SYNE2: variants seen among roughly 807,000 people sequenced by gnomAD.
The protein encoded by SYNE2 is spectrin repeat containing nuclear envelope protein 2.
A neutral mutation model predicts 856.3 loss-of-function variants in SYNE2; 431 were observed. The observed-to-expected ratio is 0.50, with a 90% CI of 0.47 to 0.55. SYNE2 has a LOEUF of 0.55. Ranked by LOEUF, SYNE2 falls within the 20% of genes least tolerant of loss-of-function variation. The pLI, the probability that SYNE2 is intolerant of heterozygous loss-of-function variation, is 0.00. For synonymous variants in SYNE2, 2,923 were observed against 2,872.3 expected (o/e 1.02, Z -0.56); for missense variants, 8,129 against 8,023.2 (o/e 1.01, Z -0.50).
chr14:63,800,586 A>G (rs1274570829), intron 1 of SYNE2, among the ~76,000 whole-genome samples: 1 of 152,206 alleles, frequency 6.6e-6, no homozygotes, highest in Admixed American at 6.5e-5. Flanking sequence ...CACCGCACCC[A>G]GCCATAATAA....
At chr14:64,165,518 A>ACTTTTTTT in intron 90 of SYNE2, 108 bp downstream of exon 90, 1 of 1,037,790 alleles carries the variant, frequency 9.6e-7, no homozygotes, top group Non-Finnish European at 1.4e-6. Flanking sequence ...ACTCACTCTT[A>ACTTTTTTT]TTTTTTTTTT....
chr14:64,173,973 C>CGGAGCGGCCCTGCTCTGCA lies in SYNE2; in HGVS notation c.17236-965_17236-947dup, dbSNP rs1408535936. On this transcript the variant is annotated intron_variant, in intron 94 of 115. Coordinates refer to ENST00000555002, the MANE Select transcript of SYNE2 (RefSeq NM_182914.3). The stretch of plus-strand genomic sequence containing the variant: ...TTCGCTACTCTCTGCACACTGCCTG[C>CGGAGCGGCCCTGCTCTGCA]GGAGCGGCCCTGCTCTGCAGGAGCA... The CGGAGCGGCCCTGCTCTGCA allele has an allele frequency of 9.8e-5, 68 of 691,644 alleles. 3 individuals carry two copies. Among genetic ancestry groups the CGGAGCGGCCCTGCTCTGCA allele is most frequent in the African/African-American group, 9.0e-4 (51 of 56,696 alleles). 42.8% of individuals were successfully genotyped at this position (691,644 alleles called of 1,614,324 possible).
In SYNE2 at chr14:64,089,520, T is replaced by C. The variant is rs1256090937; in HGVS notation, c.11671-54T>C. ...AAATTAATGCCAATAAACTGTTTTA[T>C]AGATGATTAATATACAATATATATT... On this transcript the variant is annotated intron_variant, in intron 58 of 115. Transcript: ENST00000555002. 2.3e-5 allele frequency: 36 copies of C among 1,549,674 alleles called. No homozygotes were observed. The Middle Eastern group carries it at 1.9e-3, about 81-fold the overall frequency.
chr14:64,220,831 C>T (rs913627250), intron 111 of SYNE2, among the ~76,000 whole-genome samples, 194 bp downstream of exon 111: 5 of 152,170 alleles, frequency 3.3e-5, no homozygotes, highest in South Asian at 2.1e-4. Context: ...TCCCAGGTCT[C>T]GTCTCTGTTG....
intron 38 of SYNE2, chr14:64,023,065 C>A (rs551516754): frequency 3.6e-6 from 2 of 559,398 alleles, no homozygotes; most frequent in Non-Finnish European, 6.4e-6. Flanking sequence ...AAAAGGTTCA[C>A]CAAGCTCATG....
intron 56 of SYNE2, among the ~76,000 whole-genome samples, chr14:64,081,013 C>T (rs2097518280): frequency 6.6e-6 from 1 of 152,198 alleles, no homozygotes; most frequent in Non-Finnish European, 1.5e-5. Context: ...GATACCCTCT[C>T]TACCCTCCTT....
At chr14:64,088,857 GTAAT>G (rs1282322700) in intron 58 of SYNE2, among the ~76,000 whole-genome samples, 4 of 152,260 alleles carry the variant, frequency 2.6e-5, no homozygotes, top group Admixed American at 6.5e-5. Flanking sequence ...AAGTGTTAAA[GTAAT>G]TATTTTTGGT....
At chr14:63,884,921 G>T (rs556127532) in intron 1 of SYNE2, among the ~76,000 whole-genome samples, 3 of 152,198 alleles carry the variant, frequency 2.0e-5, no homozygotes, top group East Asian at 1.9e-4. Flanking sequence ...ATTACAGGCA[G>T]GAGCCACCGC....
chr14:64,136,977 G>A (rs1296470716), intron 78 of SYNE2, among the ~76,000 whole-genome samples: 3 of 152,084 alleles, frequency 2.0e-5, no homozygotes, highest in Admixed American at 6.5e-5. Flanking sequence ...AGTTACAGCC[G>A]CCCTTTGCCA....
intron 1 of SYNE2, among the ~76,000 whole-genome samples, chr14:63,768,156 A>G (rs568759774): frequency 1.3e-3 from 193 of 152,120 alleles, no homozygotes; most frequent in Middle Eastern, 3.4e-3. Flanking sequence ...TGCCACTGCA[A>G]TCCAGCCTGG....
chr14:63,937,647 C>A (rs943729126), intron 2 of SYNE2, among the ~76,000 whole-genome samples: 8 of 152,012 alleles, frequency 5.3e-5, no homozygotes, highest in African/African-American at 1.9e-4. Flanking sequence ...GGGAGAGGGC[C>A]ATATAGTGTG....
In SYNE2 at chr14:63,965,564, C is replaced by T. The variant is rs2096379823; in HGVS notation, c.990+1564C>T. ...AGTCCCGTTTCTTAGAGCCTGTTGTCTATACAGCACTGTGCTTCTCCCCAG... is the reference window on the plus strand; with the variant it reads ...AGTCCCGTTTCTTAGAGCCTGTTGTTTATACAGCACTGTGCTTCTCCCCAG... On this transcript the variant is annotated intron_variant, in intron 10 of 115. Transcript: ENST00000555002. Among the ~76,000 whole-genome samples, 3 of 152,328 alleles carry T rather than the reference C, an allele frequency of 2.0e-5. No homozygotes were observed. The South Asian group carries it at 6.2e-4, about 32-fold the overall frequency.
chr14:64,044,879 T>C (rs2097174512), intron 45 of SYNE2, among the ~76,000 whole-genome samples: 6 of 152,218 alleles, frequency 3.9e-5, no homozygotes, highest in Admixed American at 3.9e-4. Flanking sequence ...CTTTTTTAAA[T>C]TGCCCAGTCT....
intron 1 of SYNE2, among the ~76,000 whole-genome samples, chr14:63,822,096 C>G (rs1889241164): frequency 6.6e-6 from 1 of 151,984 alleles, no homozygotes; most frequent in Non-Finnish European, 1.5e-5. Flanking sequence ...GAGGCCGAGG[C>G]AGGAGAATTG....
At chr14:63,988,798 A>G (rs1187128589) in intron 19 of SYNE2, among the ~76,000 whole-genome samples, 3 of 152,174 alleles carry the variant, frequency 2.0e-5, no homozygotes, top group African/African-American at 4.8e-5. Context: ...ACTCCCCTTT[A>G]TATAATCATC....
At chr14:63,945,202 T>C (rs965337177) in intron 6 of SYNE2, among the ~76,000 whole-genome samples, 1 of 150,200 alleles carries the variant, frequency 6.7e-6, no homozygotes, top group South Asian at 2.1e-4. Flanking sequence ...GTCTTAAGTA[T>C]AGAGTTTGAT....
intron 1 of SYNE2, among the ~76,000 whole-genome samples, chr14:63,876,443 A>G (rs887951828): frequency 6.6e-6 from 1 of 151,652 alleles, no homozygotes; most frequent in African/African-American, 2.4e-5. Flanking sequence ...AGTAGTGGAT[A>G]CCATTATATT....
chr14:63,930,425 G>A (rs989509257), intron 2 of SYNE2, among the ~76,000 whole-genome samples: 2 of 151,778 alleles, frequency 1.3e-5, no homozygotes, highest in African/African-American at 4.8e-5. Context: ...AGTGTAGTTT[G>A]GAGACCTTCT....
At chr14:63,974,892 G>GTATCTATATATATATATATATATA (rs2096527541) in intron 11 of SYNE2, among the ~76,000 whole-genome samples, 19 of 67,322 alleles carry the variant, frequency 2.8e-4, no homozygotes, top group Non-Finnish European at 5.6e-4. Context: ...GTGTGTGTGT[G>GTATCTATATATATATATATATATA]TATATATATA....
Sources: gnomAD v4.1 joint callset for allele counts (sites outside exome capture counted in the v4.1 genomes callset) on GRCh38, gnomAD v4.1.1 for gene constraint, MANE v1.5 for transcripts, NCBI Gene and HGNC (gene_info 2026-07-23, HGNC 2026-07-21) for gene names.